The following CDH8 variants were observed in gnomAD, a reference collection of about 807,000 sequenced individuals.
CDH8 encodes cadherin 8.
A neutral mutation model predicts 68.1 loss-of-function variants in CDH8; 17 were observed. That is an observed-to-expected ratio of 0.25 (90% CI 0.17 to 0.37). The LOEUF (loss-of-function observed/expected upper bound fraction) is 0.37, where lower values mean the gene tolerates loss of function less well. Among genes scored for constraint, CDH8 ranks in the 10% least tolerant of loss-of-function variants. The probability of loss-of-function intolerance (pLI) is 1.00; values close to 1 mark genes in which losing one functional copy is unlikely to be tolerated. For synonymous variants in CDH8, 372 were observed against 365.1 expected (o/e 1.02, Z -0.21); for missense variants, 763 against 999.3 (o/e 0.76, Z 3.19).
intron 4 of CDH8, among the ~76,000 whole-genome samples, chr16:61,829,166 A>G (rs1962402714): frequency 6.6e-6 from 1 of 151,806 alleles, no homozygotes; most frequent in South Asian, 2.1e-4. Flanking sequence ...GACTCCTGCA[A>G]AGACTTTATT....
chr16:61,650,950 C>T lies in CDH8; in HGVS notation c.*2658G>A, dbSNP rs1364204746. The T allele has an allele frequency of 6.6e-6, 1 of 152,030 alleles. No homozygotes were observed. The highest frequency in any genetic ancestry group is 1.9e-4 in the East Asian group (1 of 5,162). 9.4% of individuals were successfully genotyped at this position (152,030 alleles called of 1,614,324 possible). A position where few individuals can be genotyped will look rare whatever the true frequency, so the allele number is the denominator to read the frequency against. On this transcript the variant is annotated 3_prime_UTR_variant, in exon 12 of 12. Transcript: ENST00000577390. Reference sequence around the variant, plus strand: ...TCTGTGTTCCTAGGCAAAGAGAATACTTAGGCGATATTTGGGCAACTAGTA... The same window carrying T: ...TCTGTGTTCCTAGGCAAAGAGAATATTTAGGCGATATTTGGGCAACTAGTA...
chr16:61,765,949 C>A (rs951732199), intron 8 of CDH8, among the ~76,000 whole-genome samples: 5 of 151,860 alleles, frequency 3.3e-5, no homozygotes, highest in African/African-American at 1.2e-4. Flanking sequence ...TTGAGGTAAC[C>A]ATTTCCTCTC....
chr16:61,898,914 T>A (rs954303182), intron 3 of CDH8, among the ~76,000 whole-genome samples: 3 of 152,080 alleles, frequency 2.0e-5, no homozygotes, highest in Admixed American at 6.5e-5. Flanking sequence ...TAGTTTGATT[T>A]TTTTTTTCTA....
intron 8 of CDH8, among the ~76,000 whole-genome samples, chr16:61,768,398 TTCTCTCTCTC>T (rs530131371): frequency 5.7e-5 from 2 of 35,218 alleles, no homozygotes; most frequent in African/African-American, 1.3e-4. Flanking sequence ...CTCTCTCCCT[TTCTCTCTCTC>T]TCTCTCTCTC....
chr16:61,883,262 A>G (rs1380115080), intron 3 of CDH8, among the ~76,000 whole-genome samples: 1 of 152,212 alleles, frequency 6.6e-6, no homozygotes, highest in Non-Finnish European at 1.5e-5. Flanking sequence ...AGCAATCAAT[A>G]TTAATCAGCT....
intron 7 of CDH8, among the ~76,000 whole-genome samples, chr16:61,807,957 T>G (rs1961835150): frequency 6.6e-6 from 1 of 152,182 alleles, no homozygotes; most frequent in South Asian, 2.1e-4. Flanking sequence ...TGTAACATAT[T>G]TGTTTAATGG....
At chr16:61,788,461 T>C (rs1334591446) in intron 8 of CDH8, among the ~76,000 whole-genome samples, 1 of 152,230 alleles carries the variant, frequency 6.6e-6, no homozygotes, top group African/African-American at 2.4e-5. Context: ...TCCTTTGAAT[T>C]TGTGCACAAC....
chr16:61,773,273 C>T (rs1227288558), intron 8 of CDH8, among the ~76,000 whole-genome samples: 3 of 152,026 alleles, frequency 2.0e-5, no homozygotes, highest in South Asian at 2.1e-4. Context: ...AAGAATCTCA[C>T]CCTACTCCAC....
intron 10 of CDH8, among the ~76,000 whole-genome samples, chr16:61,690,781 T>C (rs1340078314): frequency 4.6e-5 from 7 of 152,060 alleles, no homozygotes; most frequent in Non-Finnish European, 8.8e-5. Context: ...TAACTCATAA[T>C]TGAAATCTTT....
At chr16:61,923,345 A>T (rs1964403832) in intron 2 of CDH8, among the ~76,000 whole-genome samples, 1 of 152,118 alleles carries the variant, frequency 6.6e-6, no homozygotes, top group Non-Finnish European at 1.5e-5. Flanking sequence ...TCTGAACTAA[A>T]ATTAATTGAT....
chr16:61,866,644 A>G (rs905624324), intron 3 of CDH8, among the ~76,000 whole-genome samples: 2 of 152,100 alleles, frequency 1.3e-5, no homozygotes, highest in Non-Finnish European at 2.9e-5. Flanking sequence ...ATTTGATTAT[A>G]CTGAGATCAT....
rs1460485351 is a variant in CDH8 at position 61,648,064 on chromosome 16, T to A, written c.*5544A>T. 1 of 527,456 alleles carries A rather than the reference T, an allele frequency of 1.9e-6. No individual in the cohort carries two copies. The highest frequency in any genetic ancestry group is 1.9e-5 in the African/African-American group (1 of 51,474). 32.7% of individuals were successfully genotyped at this position (527,456 alleles called of 1,614,324 possible). A position where few individuals can be genotyped will look rare whatever the true frequency, so the allele number is the denominator to read the frequency against. On this transcript the variant is annotated 3_prime_UTR_variant, in exon 12 of 12. Transcript: ENST00000577390. Reference sequence around the variant, plus strand: ...CTAACCTTGAGACCTAGATGAAACTTCCACACATAAAGGAAGGAGGAGAAT... The same window carrying A: ...CTAACCTTGAGACCTAGATGAAACTACCACACATAAAGGAAGGAGGAGAAT...
chr16:61,811,382 A>G (rs1006948988), intron 7 of CDH8, among the ~76,000 whole-genome samples: 2 of 152,292 alleles, frequency 1.3e-5, no homozygotes, highest in East Asian at 3.9e-4. Context: ...TTGGCCATGA[A>G]AGTACAAGAA....
At chr16:61,994,008 C>T (rs1282018309) in intron 2 of CDH8, among the ~76,000 whole-genome samples, 1 of 152,160 alleles carries the variant, frequency 6.6e-6, no homozygotes, top group African/African-American at 2.4e-5. Context: ...TGGCCCTCTG[C>T]TCCCATCACA....
chr16:62,021,449 T>A lies in CDH8; in HGVS notation c.-46A>T. The A allele has an allele frequency of 2.6e-6, 4 of 1,562,216 alleles. No homozygotes were observed. The highest frequency in any genetic ancestry group is 3.5e-6 in the Non-Finnish European group (4 of 1,154,080). ...TCACCACGAAAATGAGACAATTATT[T>A]TTTTTGTCTCCGGTCTGCAGCCATC... On this transcript the variant is annotated 5_prime_UTR_variant, in exon 2 of 12. The change creates a premature stop within an existing upstream ORF in the 5' untranslated region. Transcript: ENST00000577390.
rs770325266 is a variant in CDH8 at position 62,005,683 on chromosome 16, C to T, written c.252+15469G>A. Among the ~76,000 whole-genome samples, 23 of 145,768 alleles carry T rather than the reference C, an allele frequency of 1.6e-4. No homozygotes were observed. In the Admixed American group the frequency reaches 1.6e-3, roughly 10 times the overall value. ...CCCGGGAGGCGGAGTTTGCAGTGAG[C>T]CCAGATCACGCCACTGCATTCCAGC... is the stretch of plus-strand genomic sequence containing the variant. On this transcript the variant is annotated intron_variant, in intron 2 of 11. Coordinates refer to ENST00000577390, the MANE Select transcript of CDH8 (RefSeq NM_001796.5).
intron 2 of CDH8, among the ~76,000 whole-genome samples, chr16:61,929,561 T>G (rs1315522197): frequency 1.3e-5 from 2 of 152,150 alleles, no homozygotes; most frequent in Non-Finnish European, 2.9e-5. Context: ...TACCTTATTT[T>G]TTAACAGGTT....
intron 8 of CDH8, among the ~76,000 whole-genome samples, chr16:61,747,180 A>G (rs915726216): frequency 6.6e-6 from 1 of 152,122 alleles, no homozygotes; most frequent in African/African-American, 2.4e-5. Context: ...TAGAAAGGTA[A>G]CTAGAGATAG....
intron 8 of CDH8, among the ~76,000 whole-genome samples, chr16:61,736,112 A>AAAGGAAGGAAGGAAGG (rs763954666): frequency 0.047 from 5,487 of 116,292 alleles, 225 homozygotes; most frequent in East Asian, 0.068. Flanking sequence ...AGAAAGAAAG[A>AAAGGAAGGAAGGAAGG]AAGGAAGGAA....
Sources: gnomAD v4.1 joint callset for allele counts (sites outside exome capture counted in the v4.1 genomes callset) on GRCh38, gnomAD v4.1.1 for gene constraint, MANE v1.5 for transcripts, NCBI Gene and HGNC (gene_info 2026-07-23, HGNC 2026-07-21) for gene names.